Variants in PKHD1L1 observed in about 807,000 individuals in gnomAD.
PKHD1L1 encodes the protein PKHD1 like 1, also known as fibrocystin-L.
PKHD1L1 carries 434 observed loss-of-function variants against 462.9 expected under a neutral mutation model. The ratio of observed to expected loss-of-function variants is 0.94; its 90% CI spans 0.87 to 1.02. PKHD1L1 has a LOEUF of 1.02. Ranked by LOEUF, PKHD1L1 falls within the 50% of genes least tolerant of loss-of-function variation. The probability of loss-of-function intolerance (pLI) is 0.00; values close to 1 mark genes in which losing one functional copy is unlikely to be tolerated. For missense variants in PKHD1L1, 5,202 were observed against 5,096.1 expected (o/e 1.02, Z -0.63); for synonymous variants, 1,781 against 1,750.0 (o/e 1.02, Z -0.44).
At chr8:109,386,105 C>T (rs1478133285) in intron 6 of PKHD1L1, among the ~76,000 whole-genome samples, 1 of 152,284 alleles carries the variant, frequency 6.6e-6, no homozygotes, top group East Asian at 1.9e-4. Context: ...TGAAACCAAA[C>T]ATTGTCAATA....
At chr8:109,493,153 G>A (rs571444887) in intron 62 of PKHD1L1, among the ~76,000 whole-genome samples, 3 of 149,992 alleles carry the variant, frequency 2.0e-5, no homozygotes, top group East Asian at 1.9e-4. Flanking sequence ...GCAACATAGC[G>A]AGACCCTGTC....
At chr8:109,411,705 A>G (rs540672515) in intron 19 of PKHD1L1, among the ~76,000 whole-genome samples, 93 of 152,050 alleles carry the variant, frequency 6.1e-4, no homozygotes, top group African/African-American at 2.1e-3. Context: ...CTTTCTTTTT[A>G]CCATTTGCAC....
chr8:109,496,169 A>T (rs944360344), intron 63 of PKHD1L1, among the ~76,000 whole-genome samples: 6 of 152,202 alleles, frequency 3.9e-5, no homozygotes, highest in Non-Finnish European at 7.3e-5. Context: ...CCAAGAAATG[A>T]TGGTGAATGA....
chr8:109,471,042 T>G lies in PKHD1L1; in HGVS notation c.8606-4076T>G, dbSNP rs909852932. 71 of 1,597,250 alleles carry G rather than the reference T, an allele frequency of 4.4e-5. No individual in the cohort carries two copies. The South Asian group carries it at 5.0e-4, about 11-fold the overall frequency. On this transcript the variant is annotated intron_variant, in intron 50 of 77. Coordinates refer to ENST00000378402, the MANE Select transcript of PKHD1L1 (RefSeq NM_177531.6). The stretch of plus-strand genomic sequence containing the variant: ...CCACTTAAGTCAATACAGGCCACAT[T>G]AACACCTTCTGCGATGAAATCTTCT...
rs146799471 is a variant in PKHD1L1, at chr8:109,382,693, A to G, written c.417+122A>G. 1.4e-5 allele frequency: 8 copies of G among 575,508 alleles called. No individual in the cohort carries two copies. In the East Asian group the frequency reaches 2.6e-4, roughly 19 times the overall value. 35.7% of individuals were successfully genotyped at this position (575,508 alleles called of 1,614,324 possible). ...ACATTTAAAAATACATTAGCATGTA[A>G]CAAAGGATAATTTCCCTCAATTTAA... On this transcript the variant is annotated intron_variant, in intron 4 of 77. Transcript: ENST00000378402.
In PKHD1L1 at chr8:109,443,030, A is replaced by C; in HGVS notation, c.4478A>C (p.Gln1493Pro). Reference protein sequence around the residue: ...YVDEAHSIFLQGVINVLPAET... With the variant: ...YVDEAHSIFLPGVINVLPAET... Reference sequence around the variant, plus strand: ...GATGAGGCTCACTCCATTTTTCTCCAAGGAGTCATTAATGTTTTACCAGCT... The same window carrying C: ...GATGAGGCTCACTCCATTTTTCTCCCAGGAGTCATTAATGTTTTACCAGCT... Residue 1493 changes from glutamine to proline, a missense_variant, in exon 36 of 78, where the codon CAA (glutamine) becomes CCA (proline). Gln to Pro is a moderately conservative substitution (Grantham distance 76). Around this residue, in one of 3 missense-constraint regions of PKHD1L1, gnomAD observed 4,497 missense variants for 4,336.8 expected, o/e 1.04. Coordinates refer to ENST00000378402, the MANE Select transcript of PKHD1L1 (RefSeq NM_177531.6). The C allele has an allele frequency of 6.2e-7, 1 of 1,613,628 alleles. No homozygotes were observed. Among genetic ancestry groups the C allele is most frequent in the Non-Finnish European group, 8.5e-7 (1 of 1,179,674 alleles).
intron 9 of PKHD1L1, among the ~76,000 whole-genome samples, chr8:109,394,032 G>A (rs1812832730): frequency 2.0e-5 from 3 of 151,442 alleles, no homozygotes; most frequent in Admixed American, 1.3e-4. Context: ...AAATTAGCTG[G>A]GCATGGTGGC....
Position 109,475,254 on chromosome 8 carries a change from A to C in PKHD1L1, c.8742A>C (p.Thr2914=). 6.2e-7 allele frequency: 1 copy of C among 1,605,538 alleles called. No individual in the cohort carries two copies. ...DHITNISYTS[T]FYGFKEEDYV... is the part of the protein sequence containing the mutation. ...TAACCAACATTTCATATACATCGACATTCTATGGATTCAAGGTAAAAATAT... is the reference window on the plus strand; with the variant it reads ...TAACCAACATTTCATATACATCGACCTTCTATGGATTCAAGGTAAAAATAT... Residue 2914 remains threonine, a synonymous_variant, in exon 51 of 78, where the codon ACA becomes ACC. Coordinates refer to ENST00000378402, the MANE Select transcript of PKHD1L1 (RefSeq NM_177531.6).
At position 109,522,876 on chromosome 8, in the gene PKHD1L1, G is replaced by A; in HGVS notation, c.12316G>A (p.Ala4106Thr). 2.5e-6 allele frequency: 4 copies of A among 1,605,396 alleles called. No homozygotes were observed. Among genetic ancestry groups the A allele is most frequent in the Non-Finnish European group, 3.4e-6 (4 of 1,176,818 alleles). Reference protein sequence around the residue: ...QPFPQQPSVKATDSDGNCVSV... With the variant: ...QPFPQQPSVKTTDSDGNCVSV... ...ATTTCCTCAGCAGCCTTCGGTAAAG[G>A]CAACAGATTCTGACGTAAGTCATAA... The change falls in exon 75 of 78, where the codon GCA (alanine) becomes ACA (threonine). Residue 4106 changes from alanine to threonine, a missense_variant. Ala to Thr is a moderately conservative substitution (Grantham distance 58). Transcript: ENST00000378402.
intron 53 of PKHD1L1, among the ~76,000 whole-genome samples, chr8:109,479,257 C>A (rs1243051734): frequency 6.6e-6 from 1 of 152,118 alleles, no homozygotes; most frequent in African/African-American, 2.4e-5. Context: ...ACTTTGGATA[C>A]AGACCTGCCA....
At chr8:109,405,198 T>A (rs1813472377) in intron 16 of PKHD1L1, 68 bp downstream of exon 16, 1 of 980,490 alleles carries the variant, frequency 1.0e-6, no homozygotes, top group Admixed American at 3.5e-5. Flanking sequence ...AAGTATTTGC[T>A]GTAGTCAAAT....
chr8:109,442,435 C>T (rs1815848695), intron 35 of PKHD1L1, among the ~76,000 whole-genome samples: 1 of 151,946 alleles, frequency 6.6e-6, no homozygotes, highest in African/African-American at 2.4e-5. Flanking sequence ...GATAATCAAC[C>T]AATTGAAAAA....
At chr8:109,455,506 T>C (rs185256542) in intron 45 of PKHD1L1, among the ~76,000 whole-genome samples, 1 of 152,296 alleles carries the variant, frequency 6.6e-6, no homozygotes, top group Admixed American at 6.5e-5. Flanking sequence ...TACCTGTCTG[T>C]GATTGCCTGT....
chr8:109,385,630 G>A lies in PKHD1L1; in HGVS notation c.569G>A (p.Arg190Lys). ...SSNGKNVRIL[R>K]VYIGGMPCEL... is the part of the protein sequence containing the mutation. ...AATGGGAAAAATGTTAGGATTTTGA[G>A]GTAATCTTTTGATGTGGAAATATAT... The change falls in exon 6 of 78, where the codon AGA becomes AAA. Residue 190 changes from arginine (R) to lysine (K), a missense_variant and splice_region_variant. Around this residue, in one of 3 missense-constraint regions of PKHD1L1, gnomAD observed 4,497 missense variants for 4,336.8 expected, o/e 1.04. Transcript: ENST00000378402. The A allele has an allele frequency of 1.3e-6, 2 of 1,553,458 alleles. No homozygotes were observed. Among genetic ancestry groups the A allele is most frequent in the Non-Finnish European group, 1.8e-6 (2 of 1,132,138 alleles).
chr8:109,524,610 C>T (rs1482515410), intron 76 of PKHD1L1, among the ~76,000 whole-genome samples: 1 of 152,178 alleles, frequency 6.6e-6, no homozygotes, highest in Non-Finnish European at 1.5e-5. Flanking sequence ...CACTGGAGCA[C>T]TAAAGCACTA....
rs748925039 is a variant in PKHD1L1 at position 109,389,162 on chromosome 8, G to T, written c.697+10G>T. 5 of 1,596,370 alleles carry T rather than the reference G, an allele frequency of 3.1e-6. No individual in the cohort carries two copies. The highest frequency in any genetic ancestry group is 3.4e-5 in the Admixed American group (2 of 59,454). On this transcript the variant is annotated intron_variant, in intron 8 of 77. Transcript: ENST00000378402. ...ACTGGAACTTTTATTGGCAAGTGTT[G>T]GTCATCTTTCTTCATAATGCTCACA...
At position 109,398,318 on chromosome 8, in the gene PKHD1L1, A is replaced by G. The variant is rs1813080417; in HGVS notation, c.923-141A>G. 27 of 609,440 alleles carry G rather than the reference A, an allele frequency of 4.4e-5. No individual in the cohort carries two copies. The South Asian group carries it at 5.0e-4, about 11-fold the overall frequency. 37.8% of individuals were successfully genotyped at this position (609,440 alleles called of 1,614,324 possible). On this transcript the variant is annotated intron_variant, in intron 11 of 77. Coordinates refer to ENST00000378402, the MANE Select transcript of PKHD1L1 (RefSeq NM_177531.6). ...TATGTGAAAAGCTTTAATAGAGAAT[A>G]TGTAAAGGAAATAAAGAGCCCTAAT...
At chr8:109,514,329 C>A (rs542615125) in intron 71 of PKHD1L1, among the ~76,000 whole-genome samples, 41 of 152,304 alleles carry the variant, frequency 2.7e-4, no homozygotes, top group African/African-American at 8.4e-4. Flanking sequence ...CAGGATTCAT[C>A]ACCATCTAAC....
intron 63 of PKHD1L1, among the ~76,000 whole-genome samples, chr8:109,496,494 T>A (rs1191738604): frequency 1.3e-5 from 2 of 152,232 alleles, no homozygotes; most frequent in Non-Finnish European, 2.9e-5. Context: ...TAAATTAATC[T>A]TTAATCAGAT....
Sources: gnomAD v4.1 joint callset for allele counts (sites outside exome capture counted in the v4.1 genomes callset) on GRCh38, gnomAD v4.1.1 for gene constraint, gnomAD v4.1.1 regional missense constraint, MANE v1.5 for transcripts, NCBI Gene and HGNC (gene_info 2026-07-23, HGNC 2026-07-21) for gene names.